PTPRZ1: variants seen among roughly 807,000 people sequenced by gnomAD.
PTPRZ1 encodes the protein protein tyrosine phosphatase receptor type Z1, also known as receptor-type tyrosine-protein phosphatase zeta.
A neutral mutation model predicts 214.1 loss-of-function variants in PTPRZ1; 82 were observed. That is an observed-to-expected ratio of 0.38 (90% CI 0.32 to 0.46). The LOEUF (loss-of-function observed/expected upper bound fraction) is 0.46. PTPRZ1 is among the 20% of genes least tolerant of loss of function. The probability of loss-of-function intolerance (pLI) is 1.00; values close to 1 mark genes in which losing one functional copy is unlikely to be tolerated. For missense variants in PTPRZ1, 2,603 were observed against 2,748.7 expected (o/e 0.95, Z 1.19); for synonymous variants, 945 against 987.9 (o/e 0.96, Z 0.81).
At chr7:121,949,705 G>T (rs1796496966) in intron 2 of PTPRZ1, among the ~76,000 whole-genome samples, 2 of 152,276 alleles carry the variant, frequency 1.3e-5, no homozygotes, top group East Asian at 3.9e-4. Context: ...ATCAATGCCA[G>T]TATTGATATA....
intron 1 of PTPRZ1, among the ~76,000 whole-genome samples, chr7:121,878,977 G>A (rs1181644052): frequency 6.6e-6 from 1 of 152,112 alleles, no homozygotes. Context: ...CGGGAGTAAG[G>A]TCAGCATTCA....
At chr7:121,953,115 A>G (rs1050179797) in intron 2 of PTPRZ1, among the ~76,000 whole-genome samples, 1 of 152,222 alleles carries the variant, frequency 6.6e-6, no homozygotes, top group Non-Finnish European at 1.5e-5. Context: ...AAGTCAAGCC[A>G]TAAATTTGCT....
At chr7:121,938,550 G>C (rs941673017) in intron 2 of PTPRZ1, among the ~76,000 whole-genome samples, 1 of 152,208 alleles carries the variant, frequency 6.6e-6, no homozygotes. Context: ...TAGAAATTGG[G>C]AGAGTGGAGC....
At chr7:122,059,091 C>A in intron 28 of PTPRZ1, 149 bp downstream of exon 28, 2 of 731,532 alleles carry the variant, frequency 2.7e-6, no homozygotes, top group Non-Finnish European at 3.8e-6. Context: ...AAAGTTAACA[C>A]AGAACATTTT....
chr7:122,037,638 A>G (rs1799591900), intron 18 of PTPRZ1, among the ~76,000 whole-genome samples: 1 of 152,198 alleles, frequency 6.6e-6, no homozygotes, highest in Non-Finnish European at 1.5e-5. Context: ...AAATGAGTAC[A>G]TAAGTATAAA....
At chr7:122,041,077 CT>C in intron 21 of PTPRZ1, 98 bp downstream of exon 21, 3 of 1,122,374 alleles carry the variant, frequency 2.7e-6, no homozygotes, top group Non-Finnish European at 3.6e-6. Context: ...GGAATGATTT[CT>C]TGAAATGAGG....
At chr7:121,935,545 TTTGTTTG>T (rs1371941854) in intron 2 of PTPRZ1, among the ~76,000 whole-genome samples, 783 of 39,228 alleles carry the variant, frequency 0.02, 8 homozygotes, top group African/African-American at 0.15. Context: ...TGGGGTTTTT[TTTGTTTG>T]TTTGTTTGTT....
intron 21 of PTPRZ1, among the ~76,000 whole-genome samples, chr7:122,041,452 A>G (rs553405263): frequency 6.7e-6 from 1 of 148,376 alleles, no homozygotes; most frequent in Admixed American, 6.6e-5. Context: ...GTTTTTAAAC[A>G]TTTTGGGACC....
chr7:121,904,865 C>T (rs1397220733), intron 1 of PTPRZ1, among the ~76,000 whole-genome samples: 3 of 152,094 alleles, frequency 2.0e-5, no homozygotes, highest in Non-Finnish European at 1.5e-5. Flanking sequence ...TTTTGTTCAG[C>T]TACCTAGAAA....
chr7:121,888,305 A>G (rs1375929646), intron 1 of PTPRZ1, among the ~76,000 whole-genome samples: 1 of 151,948 alleles, frequency 6.6e-6, no homozygotes, highest in East Asian at 1.9e-4. Context: ...AAGACTCCCC[A>G]GTAAGACATG....
In PTPRZ1 at chr7:121,968,113, A is replaced by T. The variant is rs748598885; in HGVS notation, c.287A>T (p.His96Leu). 1 of 1,598,532 alleles carries T rather than the reference A, an allele frequency of 6.3e-7. No homozygotes were observed. The highest frequency in any genetic ancestry group is 8.5e-7 in the Non-Finnish European group (1 of 1,175,158). ...ACATCATTGGAAAACACATTCATTC[A>T]TAACACTGGGAAAACAGGTAAAATA... is the stretch of plus-strand genomic sequence containing the variant. ...DKTSLENTFI[H>L]NTGKTVEINL... Residue 96 changes from histidine (H) to leucine (L), a missense_variant, in exon 3 of 30, where the codon CAT becomes CTT. Physicochemically the swap from His to Leu is moderately conservative, Grantham distance 99. Transcript: ENST00000393386.
intron 23 of PTPRZ1, among the ~76,000 whole-genome samples, chr7:122,051,005 G>A (rs1273723590): frequency 6.6e-6 from 1 of 152,092 alleles, no homozygotes; most frequent in East Asian, 1.9e-4. Flanking sequence ...TAAACAGAAT[G>A]TAGATTATTC....
intron 2 of PTPRZ1, among the ~76,000 whole-genome samples, chr7:121,940,090 A>T (rs1371355281): frequency 6.6e-6 from 1 of 152,188 alleles, no homozygotes; most frequent in Non-Finnish European, 1.5e-5. Context: ...GTGATGAGAC[A>T]AGCTTCTTGG....
chr7:121,886,463 A>AACACACAC (rs148244179), intron 1 of PTPRZ1, among the ~76,000 whole-genome samples: 10,216 of 147,944 alleles, frequency 0.069, 376 homozygotes, highest in East Asian at 0.15. Flanking sequence ...TATTAAATGT[A>AACACACAC]ACACACACAC....
At chr7:122,018,513 A>ATTT (rs71530085) in intron 12 of PTPRZ1, among the ~76,000 whole-genome samples, 2 of 145,340 alleles carry the variant, frequency 1.4e-5, no homozygotes, top group African/African-American at 5.0e-5. Flanking sequence ...CTGAAATTGC[A>ATTT]TTTTTTTTTT....
At chr7:121,971,475 G>T (rs948009144) in intron 3 of PTPRZ1, among the ~76,000 whole-genome samples, 1 of 152,046 alleles carries the variant, frequency 6.6e-6, no homozygotes, top group Non-Finnish European at 1.5e-5. Flanking sequence ...GGGGAGAGTG[G>T]TTATTAGATT....
chr7:122,012,369 C>G lies in PTPRZ1; in HGVS notation c.3323C>G (p.Thr1108Ser), dbSNP rs767218629. Residue 1108 changes from threonine (T) to serine (S), a missense_variant, in exon 12 of 30, where the codon ACT becomes AGT. Physicochemically the swap from Thr to Ser is moderately conservative, Grantham distance 58 (BLOSUM62 1). Coordinates refer to ENST00000393386, the MANE Select transcript of PTPRZ1 (RefSeq NM_002851.3). ...MFPGSLAHTT[T>S]KVFDHEISQV... ...CCAGGGTCCCTTGCTCATACCACCA[C>G]TAAGGTTTTTGATCATGAGATTAGT... The G allele has an allele frequency of 2.5e-6, 4 of 1,613,820 alleles. No homozygotes were observed. In the Admixed American group the frequency reaches 6.7e-5, roughly 27 times the overall value.
intron 8 of PTPRZ1, among the ~76,000 whole-genome samples, chr7:121,989,473 C>T (rs1280390263): frequency 3.4e-5 from 5 of 148,660 alleles, no homozygotes; most frequent in African/African-American, 1.2e-4. Context: ...CTCCTGGGTT[C>T]GAGTGATTCT....
intron 27 of PTPRZ1, among the ~76,000 whole-genome samples, chr7:122,057,968 G>A (rs77931908): frequency 0.012 from 406 of 35,064 alleles, 3 homozygotes; most frequent in African/African-American, 0.049. Context: ...GTGTGTGTGT[G>A]TATATATATA....
Sources: allele counts gnomAD v4.1 joint callset (sites outside exome capture counted in the v4.1 genomes callset), GRCh38; gene constraint gnomAD v4.1.1; transcripts MANE v1.5; gene names NCBI Gene and HGNC (gene_info 2026-07-23, HGNC 2026-07-21).